The following WDR25 variants were observed in gnomAD, a reference collection of about 807,000 sequenced individuals.
The protein encoded by WDR25 is WD repeat-containing protein 25.
WDR25 carries 35 observed loss-of-function variants against 47.7 expected under a neutral mutation model. That is an observed-to-expected ratio of 0.73 (90% confidence interval 0.56 to 0.97). The LOEUF is 0.97. Ranked by LOEUF, WDR25 falls within the 50% of genes least tolerant of loss-of-function variation. WDR25 has a pLI of 0.00. For synonymous variants in WDR25, 248 were observed against 278.9 expected (o/e 0.89, Z 1.10); for missense variants, 634 against 704.7 (o/e 0.90, Z 1.14).
At chr14:100,460,413 A>T (rs1268246157) in intron 2 of WDR25, among the ~76,000 whole-genome samples, 1 of 152,162 alleles carries the variant, frequency 6.6e-6, no homozygotes, top group African/African-American at 2.4e-5. Flanking sequence ...CACCCGGCTG[A>T]TACAAAATTT....
At chr14:100,457,531 C>T (rs1042820000) in intron 2 of WDR25, among the ~76,000 whole-genome samples, 61 of 152,272 alleles carry the variant, frequency 4.0e-4, no homozygotes, top group African/African-American at 1.4e-3. Context: ...GTGATTTCGC[C>T]GTCAGCAAAC....
intron 4 of WDR25, among the ~76,000 whole-genome samples, chr14:100,512,664 A>C (rs915457787): frequency 6.6e-6 from 1 of 152,140 alleles, no homozygotes; most frequent in Admixed American, 6.5e-5. Context: ...AGTTTCTTAA[A>C]GTGTAAGCTG....
chr14:100,462,478 C>T (rs939211925), intron 2 of WDR25, among the ~76,000 whole-genome samples: 3 of 152,190 alleles, frequency 2.0e-5, no homozygotes, highest in Non-Finnish European at 4.4e-5. Context: ...GGCAAAGATT[C>T]TTCCCTCCTT....
intron 2 of WDR25, among the ~76,000 whole-genome samples, chr14:100,411,998 T>A (rs1484243116): frequency 6.6e-6 from 1 of 151,988 alleles, no homozygotes; most frequent in African/African-American, 2.4e-5. Flanking sequence ...CTTAAAATGG[T>A]AAAATATCCC....
intron 2 of WDR25, among the ~76,000 whole-genome samples, chr14:100,408,695 C>G (rs2140185612): frequency 6.6e-6 from 1 of 152,338 alleles, no homozygotes; most frequent in East Asian, 1.9e-4. Context: ...TTTTTCTCCT[C>G]TGAAGGGCCG....
Position 100,381,626 on chromosome 14 carries a change from T to C in WDR25, c.702T>C (p.Val234=). The change falls in exon 2 of 7, where the codon GTT becomes GTC. Residue 234 remains valine (V), a synonymous_variant. Transcript: ENST00000402312. ...YLNSHYKETT[V]PRKVLFHLRG... is the part of the protein sequence containing the mutation. ...ATAGCCATTATAAAGAAACCACAGTTCCCCGGAAAGTGCTTTTCCACCTGA... is the reference window on the plus strand; with the variant it reads ...ATAGCCATTATAAAGAAACCACAGTCCCCCGGAAAGTGCTTTTCCACCTGA... The C allele has an allele frequency of 6.2e-7, 1 of 1,607,596 alleles. No homozygotes were observed. The highest frequency in any genetic ancestry group is 8.5e-7 in the Non-Finnish European group (1 of 1,174,998).
At chr14:100,516,302 C>T (rs1490112367) in intron 4 of WDR25, among the ~76,000 whole-genome samples, 2 of 152,124 alleles carry the variant, frequency 1.3e-5, no homozygotes, top group African/African-American at 2.4e-5. Context: ...AAGGTTTTCC[C>T]CCTCTGACTG....
intron 4 of WDR25, among the ~76,000 whole-genome samples, chr14:100,514,024 C>T (rs1415164348): frequency 6.6e-6 from 1 of 151,808 alleles, no homozygotes; most frequent in Non-Finnish European, 1.5e-5. Flanking sequence ...CAAGCTCCGC[C>T]TCCCGGGTTC....
intron 4 of WDR25, among the ~76,000 whole-genome samples, chr14:100,512,002 G>C (rs1210968541): frequency 6.6e-6 from 1 of 152,016 alleles, no homozygotes; most frequent in Non-Finnish European, 1.5e-5. Context: ...AATTATATCA[G>C]CTAAAGTTGT....
At chr14:100,507,870 A>T (rs1901168849) in intron 4 of WDR25, among the ~76,000 whole-genome samples, 1 of 152,134 alleles carries the variant, frequency 6.6e-6, no homozygotes, top group Non-Finnish European at 1.5e-5. Flanking sequence ...ATCTGTGAAG[A>T]GAGATAGTTT....
At position 100,466,275 on chromosome 14, in the gene WDR25, A is replaced by G. The variant is rs148669022; in HGVS notation, c.823-1746A>G. ...GCTCTCTTCACATTTTTTGAAGGCT[A>G]CTCTTGACCTTTTGTTTTCTTAAGT... On this transcript the variant is annotated intron_variant, in intron 2 of 6. Transcript: ENST00000402312. Among the ~76,000 whole-genome samples, 3 of 152,160 alleles carry G rather than the reference A, an allele frequency of 2.0e-5. No homozygotes were observed. In the East Asian group the frequency reaches 5.8e-4, roughly 29 times the overall value.
At chr14:100,522,169 C>T (rs917712905) in intron 4 of WDR25, among the ~76,000 whole-genome samples, 1 of 152,200 alleles carries the variant, frequency 6.6e-6, no homozygotes, top group African/African-American at 2.4e-5. Context: ...AATATTTCTC[C>T]TACTTGTCTT....
chr14:100,411,598 G>A (rs1270209204), intron 2 of WDR25, among the ~76,000 whole-genome samples: 1 of 150,654 alleles, frequency 6.6e-6, no homozygotes, highest in East Asian at 2.0e-4. Flanking sequence ...GTGCAATGGT[G>A]CAGTCTTGGC....
intron 2 of WDR25, among the ~76,000 whole-genome samples, chr14:100,408,482 G>A (rs997826802): frequency 2.6e-5 from 4 of 152,176 alleles, no homozygotes; most frequent in African/African-American, 9.7e-5. Flanking sequence ...ATGGTCTGCA[G>A]CCCTCAGTGC....
At chr14:100,437,273 C>T (rs572489313) in intron 2 of WDR25, among the ~76,000 whole-genome samples, 17 of 152,284 alleles carry the variant, frequency 1.1e-4, no homozygotes, top group Admixed American at 6.5e-4. Flanking sequence ...CAGCCCCCCA[C>T]GGCCCAGCCT....
chr14:100,473,365 A>AT (rs2140304170), intron 3 of WDR25, among the ~76,000 whole-genome samples: 1 of 152,298 alleles, frequency 6.6e-6, no homozygotes, highest in African/African-American at 2.4e-5. Flanking sequence ...CAGTGCTGGC[A>AT]TGTGACTAGT....
intron 2 of WDR25, among the ~76,000 whole-genome samples, chr14:100,445,426 C>T (rs572851350): frequency 7.3e-5 from 11 of 151,520 alleles, no homozygotes; most frequent in African/African-American, 1.2e-4. Context: ...CTATAATTTA[C>T]TCCACAACTT....
At chr14:100,451,683 C>G (rs1409303947) in intron 2 of WDR25, among the ~76,000 whole-genome samples, 1 of 152,092 alleles carries the variant, frequency 6.6e-6, no homozygotes, top group Non-Finnish European at 1.5e-5. Context: ...AGGAACCAGC[C>G]TAAGGTTCTT....
intron 2 of WDR25, among the ~76,000 whole-genome samples, chr14:100,418,850 T>A (rs1372970947): frequency 6.6e-6 from 1 of 151,566 alleles, no homozygotes; most frequent in East Asian, 1.9e-4. Context: ...TGTGGAGTGG[T>A]CCCTACACCC....
Sources: gnomAD v4.1 joint callset for allele counts (sites outside exome capture counted in the v4.1 genomes callset) on GRCh38, gnomAD v4.1.1 for gene constraint, MANE v1.5 for transcripts, NCBI Gene and HGNC (gene_info 2026-07-23, HGNC 2026-07-21) for gene names.